The following ADGRA1 variants were observed in gnomAD, a reference collection of about 807,000 sequenced individuals.
ADGRA1 encodes G-protein coupled receptor 123.
Under a neutral mutation model 21.3 loss-of-function variants are expected in ADGRA1, and 12 were observed. That is an observed-to-expected ratio of 0.56 (90% CI 0.36 to 0.91). ADGRA1 has a LOEUF of 0.91. Among genes scored for constraint, ADGRA1 ranks in the 40% least tolerant of loss-of-function variants. ADGRA1 has a pLI of 0.01. For missense variants in ADGRA1, 790 were observed against 805.6 expected, an observed-to-expected ratio of 0.98 and a Z score of 0.23; for synonymous variants, 385 against 368.8, an observed-to-expected ratio of 1.04 and a Z score of -0.50.
Position 133,129,144 on chromosome 10 carries a change from A to T in ADGRA1, c.1316A>T (p.His439Leu). 4 of 1,555,072 alleles carry T rather than the reference A, an allele frequency of 2.6e-6. No homozygotes were observed. The highest frequency in any genetic ancestry group is 3.5e-6 in the Non-Finnish European group (4 of 1,149,372). ...HPAEEPEYAY[H>L]IPSSLDGSPR... ...GCAGAGGAGCCCGAGTACGCCTACC[A>T]CATCCCATCCAGCCTGGATGGCAGC... Residue 439 changes from histidine to leucine, a missense_variant, in exon 7 of 7, where the codon CAC (histidine) becomes CTC (leucine). His to Leu is a moderately conservative substitution (Grantham distance 99). Transcript: ENST00000392607.
At chr10:133,090,533 C>T (rs568548772) in intron 2 of ADGRA1, among the ~76,000 whole-genome samples, 119 of 152,364 alleles carry the variant, frequency 7.8e-4, no homozygotes, top group Non-Finnish European at 1.4e-3. Flanking sequence ...CAGCATTTTT[C>T]TGCATGTGTC....
chr10:133,113,137 T>C (rs1414798008), intron 5 of ADGRA1, among the ~76,000 whole-genome samples: 3 of 145,872 alleles, frequency 2.1e-5, no homozygotes, highest in South Asian at 4.5e-4. Context: ...TTGAGGTCTG[T>C]GGGCCACGTC....
intron 4 of ADGRA1, among the ~76,000 whole-genome samples, chr10:133,101,019 G>A (rs528221133): frequency 1.3e-5 from 2 of 152,226 alleles, no homozygotes; most frequent in African/African-American, 2.4e-5. Flanking sequence ...GCTCTGCGAG[G>A]CGAACAGAAG....
chr10:133,112,944 G>A (rs1420533506), intron 5 of ADGRA1, among the ~76,000 whole-genome samples: 4 of 148,232 alleles, frequency 2.7e-5, no homozygotes, highest in Non-Finnish European at 6.0e-5. Flanking sequence ...TGAGGTCTGC[G>A]GGCTGTGTCG....
intron 2 of ADGRA1, among the ~76,000 whole-genome samples, chr10:133,090,902 G>T (rs1267503333): frequency 6.6e-6 from 1 of 152,208 alleles, no homozygotes; most frequent in African/African-American, 2.4e-5. Context: ...CTCTCAAAAG[G>T]CTGGTTTGTC....
chr10:133,122,011 T>A (rs1186722469), intron 5 of ADGRA1, among the ~76,000 whole-genome samples: 1 of 152,046 alleles, frequency 6.6e-6, no homozygotes, highest in Non-Finnish European at 1.5e-5. Context: ...GGTGCCAGTG[T>A]GTGTGTGGTA....
chr10:133,103,837 C>T (rs1006135880), intron 5 of ADGRA1, among the ~76,000 whole-genome samples: 5 of 152,348 alleles, frequency 3.3e-5, no homozygotes, highest in South Asian at 2.1e-4. Flanking sequence ...ACACAGTTGG[C>T]GAAAGCCAGG....
chr10:133,112,404 CGTTATTTGGGGTCTGCGGGCCATGTCG>C (rs1852056130), intron 5 of ADGRA1, among the ~76,000 whole-genome samples: 2 of 79,960 alleles, frequency 2.5e-5, no homozygotes, highest in African/African-American at 1.2e-4. Flanking sequence ...GGGCCGCGTC[CGTTATTTGGGGTCTGCGGGCCATGTCG>C]GTTATTTGGG....
At chr10:133,102,215 C>T (rs899647343) in intron 4 of ADGRA1, 46 of 458,154 alleles carry the variant, frequency 1.0e-4, no homozygotes, top group Non-Finnish European at 9.2e-5. Flanking sequence ...GAATGAGGAA[C>T]GGCGACCTGC....
intron 2 of ADGRA1, among the ~76,000 whole-genome samples, chr10:133,092,796 AGAGAGGGAGGGAAGGGAG>A (rs1851620199): frequency 5.4e-5 from 7 of 130,016 alleles, no homozygotes; most frequent in Non-Finnish European, 8.1e-5. Flanking sequence ...GAAGGAAGGA[AGAGAGGGAGGGAAGGGAG>A]GGAAGGAAGG....
At chr10:133,098,899 C>A in intron 4 of ADGRA1, 136 bp downstream of exon 4, 1 of 1,205,026 alleles carries the variant, frequency 8.3e-7, no homozygotes, top group Non-Finnish European at 1.2e-6. Context: ...ATCGGTGTCT[C>A]GGCTTCACGC....
chr10:133,088,636 C>A (rs1851544965), intron 1 of ADGRA1, 72 bp from the exon 2 acceptor site: 4 of 1,006,540 alleles, frequency 4.0e-6, no homozygotes, highest in African/African-American at 1.7e-5. Flanking sequence ...TGCTCCCTGG[C>A]GGGGTCGGGG....
intron 3 of ADGRA1, among the ~76,000 whole-genome samples, chr10:133,097,315 T>A (rs766776680): frequency 1.3e-4 from 20 of 152,232 alleles, no homozygotes; most frequent in Non-Finnish European, 2.2e-4. Context: ...GCCGCGCCTG[T>A]CCACTCAGGC....
chr10:133,102,797 G>T lies in ADGRA1; in HGVS notation c.356G>T (p.Cys119Phe), dbSNP rs754277628. The T allele has an allele frequency of 6.2e-7, 1 of 1,612,784 alleles. No individual in the cohort carries two copies. Among genetic ancestry groups the T allele is most frequent in the Non-Finnish European group, 8.5e-7 (1 of 1,179,832 alleles). Residue 119 changes from cysteine (C) to phenylalanine (F), a missense_variant, in exon 5 of 7, where the codon TGC (cysteine) becomes TTC (phenylalanine). By Grantham distance (205) the Cys-to-Phe change is radical. Transcript: ENST00000392607. ...YKQVTKKAPLCLDTDQPPYPR... is the reference protein window; with the variant it reads ...YKQVTKKAPLFLDTDQPPYPR... Reference sequence around the variant, plus strand: ...CAGGTGACCAAGAAGGCCCCTCTGTGCCTGGACACAGACCAGCCACCGTAC... The same window carrying T: ...CAGGTGACCAAGAAGGCCCCTCTGTTCCTGGACACAGACCAGCCACCGTAC...
chr10:133,122,027 G>A (rs1196925591), intron 5 of ADGRA1, among the ~76,000 whole-genome samples: 2 of 152,158 alleles, frequency 1.3e-5, no homozygotes, highest in Non-Finnish European at 2.9e-5. Context: ...TGGTATGTGT[G>A]TTCCAGTGTG....
Position 133,130,660 on chromosome 10 carries a change from ACAAACACAT to A in ADGRA1, c.*1150_*1158del, listed in dbSNP as rs1435297878. On this transcript the variant is annotated 3_prime_UTR_variant, in exon 7 of 7. Coordinates refer to ENST00000392607, the MANE Select transcript of ADGRA1 (RefSeq NM_001083909.3). ...CACATGTGCACCCACACACACACAC[ACAAACACAT>A]GTGCATATCACACACATGCACACAC... The A allele has an allele frequency of 6.6e-6, 1 of 152,040 alleles. No homozygotes were observed. Among genetic ancestry groups the A allele is most frequent in the East Asian group, 1.9e-4 (1 of 5,178 alleles). 9.4% of individuals were successfully genotyped at this position (152,040 alleles called of 1,614,324 possible).
At chr10:133,101,132 G>T (rs1337931351) in intron 4 of ADGRA1, among the ~76,000 whole-genome samples, 2 of 152,198 alleles carry the variant, frequency 1.3e-5, no homozygotes, top group Admixed American at 1.3e-4. Context: ...GAGACCTGAG[G>T]GTCTAGTAAA....
At chr10:133,116,057 T>G (rs890364075) in intron 5 of ADGRA1, among the ~76,000 whole-genome samples, 2 of 131,616 alleles carry the variant, frequency 1.5e-5, no homozygotes, top group African/African-American at 5.6e-5. Context: ...CCACCTTCCA[T>G]CGGCTTCAGG....
chr10:133,089,009 G>T (rs2135859816), intron 2 of ADGRA1, 97 bp downstream of exon 2: 3 of 1,234,656 alleles, frequency 2.4e-6, no homozygotes, highest in Non-Finnish European at 3.0e-6. Context: ...AAAAGTTGTG[G>T]AATGGCGAGC....
Sources: allele counts gnomAD v4.1 joint callset (sites outside exome capture counted in the v4.1 genomes callset), GRCh38; gene constraint gnomAD v4.1.1; transcripts MANE v1.5; gene names NCBI Gene and HGNC (gene_info 2026-07-23, HGNC 2026-07-21).